Variants in NEO1 observed in about 807,000 individuals in gnomAD.
The protein encoded by NEO1 is neogenin 1, also known as neogenin.
NEO1 carries 63 observed loss-of-function variants against 159.7 expected under a neutral mutation model. That is an observed-to-expected ratio of 0.39 (90% CI 0.32 to 0.49). The LOEUF is 0.49. Ranked by LOEUF, NEO1 falls within the 20% of genes least tolerant of loss-of-function variation. NEO1 has a pLI of 0.85. For missense variants in NEO1, 1,615 were observed against 1,831.0 expected (o/e 0.88, Z 2.15); for synonymous variants, 633 against 662.0 (o/e 0.96, Z 0.67).
intron 5 of NEO1, among the ~76,000 whole-genome samples, chr15:73,149,973 G>A (rs570584115): frequency 6.6e-6 from 1 of 152,064 alleles, no homozygotes; most frequent in Admixed American, 6.5e-5. Flanking sequence ...TCAACTGTAG[G>A]TTTGTACCCA....
In NEO1 at chr15:73,052,787, T is replaced by G; in HGVS notation, c.112T>G (p.Ser38Ala). 8.9e-7 allele frequency: 1 copy of G among 1,128,404 alleles called. No homozygotes were observed. The highest frequency in any genetic ancestry group is 1.1e-6 in the Non-Finnish European group (1 of 915,332). 69.9% of individuals were successfully genotyped at this position (1,128,404 alleles called of 1,614,324 possible). ...APGAAAARSGSAPQSPGASIR... is the reference protein window; with the variant it reads ...APGAAAARSGAAPQSPGASIR... ...GGGCGCCGCGGCCGCCAGGAGCGGC[T>G]CCGCGCCGCAGTCCCCAGGTAAGCG... Residue 38 changes from serine (S) to alanine (A), a missense_variant, in exon 1 of 29, where the codon TCC becomes GCC. Physicochemically the swap from Ser to Ala is moderately conservative, Grantham distance 99. Coordinates refer to ENST00000261908, the MANE Select transcript of NEO1 (RefSeq NM_002499.4).
intron 21 of NEO1, among the ~76,000 whole-genome samples, chr15:73,277,908 C>T (rs1047712007): frequency 3.3e-5 from 5 of 152,218 alleles, no homozygotes; most frequent in African/African-American, 1.2e-4. Flanking sequence ...AGCCGTGAGA[C>T]AAGCGTGTCA....
At chr15:73,098,082 AACAC>A (rs34778128) in intron 1 of NEO1, among the ~76,000 whole-genome samples, 6 of 149,784 alleles carry the variant, frequency 4.0e-5, no homozygotes, top group African/African-American at 7.3e-5. Flanking sequence ...TTTATCCCAC[AACAC>A]ACACACACAC....
intron 7 of NEO1, among the ~76,000 whole-genome samples, chr15:73,207,048 T>C (rs2037279078): frequency 6.6e-6 from 1 of 152,166 alleles, no homozygotes; most frequent in Non-Finnish European, 1.5e-5. Flanking sequence ...AAGTAGTTGT[T>C]TCTGTAATTT....
At chr15:73,246,988 G>T (rs1489808485) in intron 9 of NEO1, among the ~76,000 whole-genome samples, 1 of 152,196 alleles carries the variant, frequency 6.6e-6, no homozygotes, top group Admixed American at 6.5e-5. Context: ...GGAGCTTACG[G>T]TCTGGTACCA....
chr15:73,182,888 A>T (rs1481302041), intron 7 of NEO1, among the ~76,000 whole-genome samples: 1 of 152,188 alleles, frequency 6.6e-6, no homozygotes, highest in Non-Finnish European at 1.5e-5. Flanking sequence ...CTCCCCACAC[A>T]ACCCCCTCAA....
intron 1 of NEO1, among the ~76,000 whole-genome samples, chr15:73,101,397 G>A (rs1166001699): frequency 6.6e-6 from 1 of 152,194 alleles, no homozygotes; most frequent in Non-Finnish European, 1.5e-5. Flanking sequence ...GAGTATGCAC[G>A]CTCTCACGCG....
Position 73,073,281 on chromosome 15 carries a change from A to G in NEO1, c.130+20476A>G, listed in dbSNP as rs8029918. The stretch of plus-strand genomic sequence containing the variant: ...GATGATTGGAGAGTCTTTTGCATTT[A>G]CCTGTCAGTCACTGTTGACCTTACT... On this transcript the variant is annotated intron_variant, in intron 1 of 28. Coordinates refer to ENST00000261908, the MANE Select transcript of NEO1 (RefSeq NM_002499.4). 7.2e-3 allele frequency among the ~76,000 whole-genome samples: 1,097 copies of G among 152,264 alleles called. 15 individuals carry two copies. Among genetic ancestry groups the G allele is most frequent in the African/African-American group, 0.024 (1,013 of 41,538 alleles).
At chr15:73,234,150 G>C (rs571701520) in intron 7 of NEO1, among the ~76,000 whole-genome samples, 1 of 152,290 alleles carries the variant, frequency 6.6e-6, no homozygotes, top group Non-Finnish European at 1.5e-5. Flanking sequence ...TGTGTTTCTA[G>C]ATGGACATGC....
chr15:73,204,747 G>T (rs1018771541), intron 7 of NEO1, among the ~76,000 whole-genome samples: 1 of 151,940 alleles, frequency 6.6e-6, no homozygotes, highest in Non-Finnish European at 1.5e-5. Context: ...CAACATCTTT[G>T]TCTTTTTCTG....
chr15:73,276,908 A>G (rs1333851993), intron 21 of NEO1, among the ~76,000 whole-genome samples: 3 of 152,052 alleles, frequency 2.0e-5, no homozygotes, highest in African/African-American at 7.2e-5. Context: ...AGAAGATTAT[A>G]CTCTTTCGTG....
At chr15:73,215,225 A>G (rs2037806515) in intron 7 of NEO1, among the ~76,000 whole-genome samples, 1 of 152,228 alleles carries the variant, frequency 6.6e-6, no homozygotes, top group South Asian at 2.1e-4. Context: ...ATCAGCAAAC[A>G]GTGACAGTTT....
intron 1 of NEO1, among the ~76,000 whole-genome samples, chr15:73,069,066 C>G (rs1040086470): frequency 6.6e-6 from 1 of 151,636 alleles, no homozygotes; most frequent in African/African-American, 2.4e-5. Flanking sequence ...GATCCTCCCC[C>G]CTTCAGCCTC....
At chr15:73,232,587 G>A (rs1244662465) in intron 7 of NEO1, among the ~76,000 whole-genome samples, 2 of 152,158 alleles carry the variant, frequency 1.3e-5, no homozygotes, top group African/African-American at 4.8e-5. Context: ...AGTGGCTTGG[G>A]CCTGCTGCAG....
rs149930668 is a variant in NEO1 at position 73,164,130 on chromosome 15, C to T, written c.1016-12273C>T. Among the ~76,000 whole-genome samples the T allele has an allele frequency of 8.5e-3, 1,278 of 150,822 alleles. 22 individuals are homozygous for T. Among genetic ancestry groups the T allele is most frequent in the African/African-American group, 0.029 (1,206 of 41,046 alleles). On this transcript the variant is annotated intron_variant, in intron 5 of 28. Transcript: ENST00000261908. ...GCAACCTCTGCCTCCCATGTTCAAG[C>T]GATTCTCCTGCCTCAGCCTCCCAAG...
At chr15:73,229,775 C>T (rs2038804370) in intron 7 of NEO1, among the ~76,000 whole-genome samples, 1 of 151,974 alleles carries the variant, frequency 6.6e-6, no homozygotes, top group Admixed American at 6.6e-5. Flanking sequence ...TTGTCAAATG[C>T]TTTTTCTGTG....
chr15:73,069,991 G>A (rs2068456159), intron 1 of NEO1, among the ~76,000 whole-genome samples: 1 of 152,120 alleles, frequency 6.6e-6, no homozygotes. Context: ...AGGCAACTGT[G>A]GCCAAAAAGT....
chr15:73,217,165 A>T (rs1378805107), intron 7 of NEO1, among the ~76,000 whole-genome samples: 11 of 149,350 alleles, frequency 7.4e-5, no homozygotes, highest in African/African-American at 2.0e-4. Context: ...CAGTTTTCCC[A>T]GCACTATTTA....
chr15:73,296,861 C>T (rs774989009), intron 26 of NEO1, among the ~76,000 whole-genome samples: 6 of 152,140 alleles, frequency 3.9e-5, no homozygotes, highest in Non-Finnish European at 8.8e-5. Flanking sequence ...CTACTCAGAA[C>T]GGTGCAAAAT....
Sources: gnomAD v4.1 joint callset for allele counts (sites outside exome capture counted in the v4.1 genomes callset) on GRCh38, gnomAD v4.1.1 for gene constraint, MANE v1.5 for transcripts, NCBI Gene and HGNC (gene_info 2026-07-23, HGNC 2026-07-21) for gene names.